Variants in LRP1B observed in about 807,000 individuals in gnomAD.
LRP1B encodes the protein low-density lipoprotein receptor-related protein 1B.
A neutral mutation model predicts 556.6 loss-of-function variants in LRP1B; 217 were observed. The ratio of observed to expected loss-of-function variants is 0.39; its 90% CI spans 0.35 to 0.44. The LOEUF is 0.44. Ranked by LOEUF, LRP1B falls within the 20% of genes least tolerant of loss-of-function variation. The probability of loss-of-function intolerance (pLI) is 1.00; values close to 1 mark genes in which losing one functional copy is unlikely to be tolerated. For synonymous variants in LRP1B, 2,047 were observed against 1,865.8 expected, an observed-to-expected ratio of 1.10 and a Z score of -2.50; for missense variants, 5,053 against 5,620.8, an observed-to-expected ratio of 0.90 and a Z score of 3.23.
chr2:140,748,112 T>TAA (rs1688382852), intron 35 of LRP1B, among the ~76,000 whole-genome samples: 1 of 131,724 alleles, frequency 7.6e-6, no homozygotes, highest in African/African-American at 2.8e-5. Flanking sequence ...TATATATATA[T>TAA]ATATATATAT....
At chr2:140,379,159 T>A (rs1168188379) in intron 67 of LRP1B, among the ~76,000 whole-genome samples, 3 of 152,198 alleles carry the variant, frequency 2.0e-5, no homozygotes, top group Non-Finnish European at 4.4e-5. Flanking sequence ...GACCTCTTCG[T>A]GTTTTCTCTG....
chr2:141,754,658 A>G (rs1694254393), intron 2 of LRP1B, among the ~76,000 whole-genome samples: 1 of 152,134 alleles, frequency 6.6e-6, no homozygotes, highest in African/African-American at 2.4e-5. Context: ...ATGGAGCCAA[A>G]ATAACTGTCC....
rs149518340 is a variant in LRP1B at position 141,008,785 on chromosome 2, A to T, written c.2381-3328T>A. ...AGTTAAATAAGTAAGTGGTGAATGC[A>T]ACTTTTAGTTAGCAGTTTGAATGAC... On this transcript the variant is annotated intron_variant, in intron 14 of 90. Transcript: ENST00000389484. Among the ~76,000 whole-genome samples, 3 of 152,040 alleles carry T rather than the reference A, an allele frequency of 2.0e-5. No individual in the cohort carries two copies. The East Asian group carries it at 5.8e-4, about 29-fold the overall frequency.
In LRP1B at chr2:140,386,012, G is replaced by A. The variant is rs2105198955; in HGVS notation, c.10415-3C>T. 6.4e-7 allele frequency: 1 copy of A among 1,563,294 alleles called. No homozygotes were observed. Among genetic ancestry groups the A allele is most frequent in the Non-Finnish European group, 8.8e-7 (1 of 1,135,062 alleles). On this transcript the variant is annotated splice_polypyrimidine_tract_variant and splice_region_variant and intron_variant, in intron 66 of 90. Transcript: ENST00000389484. ...ATGAGGTCCACAAGTCTTTTTATCT[G>A]TAATGGAAAGAACCAGAGTTTGCAT...
At chr2:141,193,958 A>C (rs891402536) in intron 6 of LRP1B, among the ~76,000 whole-genome samples, 1 of 152,088 alleles carries the variant, frequency 6.6e-6, no homozygotes. Context: ...GTTTAAATCC[A>C]TGTTTAGATT....
At chr2:141,824,769 T>C (rs1480194014) in intron 1 of LRP1B, among the ~76,000 whole-genome samples, 1 of 152,230 alleles carries the variant, frequency 6.6e-6, no homozygotes, top group Non-Finnish European at 1.5e-5. Flanking sequence ...TGCTCACTGA[T>C]ACTTAAAAAT....
intron 1 of LRP1B, among the ~76,000 whole-genome samples, chr2:142,128,950 C>A (rs932296925): frequency 6.6e-5 from 10 of 152,114 alleles, no homozygotes; most frequent in African/African-American, 2.2e-4. Context: ...AGCAGTAGTT[C>A]TATCCTCATA....
chr2:141,309,123 C>T (rs540629384), intron 3 of LRP1B, among the ~76,000 whole-genome samples: 17 of 152,222 alleles, frequency 1.1e-4, no homozygotes, highest in Non-Finnish European at 2.4e-4. Context: ...TGAGATACTG[C>T]CAGGATTCTC....
intron 6 of LRP1B, among the ~76,000 whole-genome samples, chr2:141,204,940 T>C (rs1410087743): frequency 1.3e-5 from 2 of 148,874 alleles, no homozygotes; most frequent in Non-Finnish European, 3.0e-5. Flanking sequence ...CTGTCTCAGA[T>C]AAAAAAAAAG....
chr2:141,583,902 G>T (rs1687035817), intron 2 of LRP1B, among the ~76,000 whole-genome samples: 1 of 140,398 alleles, frequency 7.1e-6, no homozygotes, highest in African/African-American at 3.0e-5. Context: ...ACCATGCCCG[G>T]CTAATTTTTT....
At chr2:141,096,320 G>C (rs1700299049) in intron 7 of LRP1B, among the ~76,000 whole-genome samples, 2 of 152,042 alleles carry the variant, frequency 1.3e-5, no homozygotes, top group South Asian at 2.1e-4. Flanking sequence ...AGGCGCAGTG[G>C]CTCACTCCTG....
intron 23 of LRP1B, among the ~76,000 whole-genome samples, chr2:140,897,669 T>C (rs2068916068): frequency 6.6e-6 from 1 of 152,132 alleles, no homozygotes; most frequent in Non-Finnish European, 1.5e-5. Context: ...AAAGACTAGA[T>C]TTGCTAAGTC....
intron 3 of LRP1B, among the ~76,000 whole-genome samples, chr2:141,376,196 C>T (rs890531249): frequency 6.6e-6 from 1 of 152,162 alleles, no homozygotes; most frequent in Non-Finnish European, 1.5e-5. Context: ...TGTGGGATTC[C>T]ATATGGGTTC....
At chr2:140,595,806 T>A (rs1402367567) in intron 43 of LRP1B, among the ~76,000 whole-genome samples, 6 of 152,158 alleles carry the variant, frequency 3.9e-5, no homozygotes. Context: ...AATGACTTGG[T>A]AATGTTCATG....
chr2:140,324,683 T>G (rs1558802161), intron 80 of LRP1B, among the ~76,000 whole-genome samples: 1 of 152,062 alleles, frequency 6.6e-6, no homozygotes, highest in Non-Finnish European at 1.5e-5. Flanking sequence ...TATAGAATAA[T>G]TATTCTAACT....
In LRP1B at chr2:140,906,972, T is replaced by TAAAAA. The variant is rs398060601; in HGVS notation, c.3520+900_3520+904dup. Among the ~76,000 whole-genome samples the TAAAAA allele has an allele frequency of 5.2e-3, 741 of 142,762 alleles. 8 individuals carry two copies. The highest frequency in any genetic ancestry group is 0.018 in the African/African-American group (706 of 38,690). 93.7% of individuals were successfully genotyped at this position (142,762 alleles called of 152,430 possible). A position where few individuals can be genotyped will look rare whatever the true frequency, so the allele number is the denominator to read the frequency against. ...AAAAAAGACATTTTACCACATATGG[T>TAAAAA]AAAAAAAAAAAAAACTTCCTTTTTT... On this transcript the variant is annotated intron_variant, in intron 22 of 90. Transcript: ENST00000389484.
At chr2:140,985,670 G>A (rs1696898840) in intron 17 of LRP1B, among the ~76,000 whole-genome samples, 1 of 151,610 alleles carries the variant, frequency 6.6e-6, no homozygotes, top group African/African-American at 2.4e-5. Context: ...TCCTCTTCTG[G>A]GCAAATTCTC....
intron 75 of LRP1B, 34 bp downstream of exon 75, chr2:140,356,308 T>G (rs1682213246): frequency 5.6e-6 from 9 of 1,604,768 alleles, no homozygotes; most frequent in Non-Finnish European, 7.7e-6. Flanking sequence ...AACCCAAAGA[T>G]TTATGAGCAA....
At chr2:140,856,514 A>C (rs1042730541) in intron 27 of LRP1B, among the ~76,000 whole-genome samples, 3 of 152,176 alleles carry the variant, frequency 2.0e-5, no homozygotes, top group African/African-American at 7.2e-5. Context: ...TAAAGGCCAG[A>C]TGGTAGATAT....
Sources: gnomAD v4.1 joint callset for allele counts (sites outside exome capture counted in the v4.1 genomes callset) on GRCh38, gnomAD v4.1.1 for gene constraint, MANE v1.5 for transcripts, NCBI Gene and HGNC (gene_info 2026-07-23, HGNC 2026-07-21) for gene names.